Variants in HMGN5 observed in about 807,000 individuals in gnomAD.
The protein encoded by HMGN5 is high mobility group nucleosome-binding domain-containing protein 5.
HMGN5 carries 4 observed loss-of-function variants against 9.5 expected under a neutral mutation model. The ratio of observed to expected loss-of-function variants is 0.42; its 90% CI spans 0.21 to 0.96. The LOEUF (loss-of-function observed/expected upper bound fraction) is 0.96. Ranked by LOEUF, HMGN5 falls within the 40% of genes least tolerant of loss-of-function variation. The pLI is 0.30. For missense variants in HMGN5, 192 were observed against 187.5 expected, an observed-to-expected ratio of 1.02 and a Z score of -0.14; for synonymous variants, 55 against 57.1, an observed-to-expected ratio of 0.96 and a Z score of 0.16.
intron 1 of HMGN5, among the ~76,000 whole-genome samples, chrX:81,176,070 C>A: frequency 9.0e-6 from 1 of 111,523 alleles, no homozygotes; most frequent in Middle Eastern, 4.7e-3. Flanking sequence ...TGGGAGGAAG[C>A]TTCCAGAGGA....
rs764678184 is a variant in HMGN5 at position 81,200,176 on chromosome X, A to G, written c.-124+1561T>C. On this transcript the variant is annotated intron_variant, in intron 1 of 6. Coordinates refer to ENST00000358130, the MANE Select transcript of HMGN5 (RefSeq NM_030763.3). ...ATGCAAATCAAAACCACAATGAAAT[A>G]CCATCTCATGCTAGTTAGAATGGCA... Among the ~76,000 whole-genome samples the G allele has an allele frequency of 4.4e-5, 5 of 112,465 alleles. No homozygotes were observed. The South Asian group carries it at 1.5e-3, about 33-fold the overall frequency.
rs1452242537 is a variant in HMGN5, at chrX:81,194,201, G to A, written c.-124+7536C>T. 2.7e-5 allele frequency among the ~76,000 whole-genome samples: 3 copies of A among 111,484 alleles called. No individual in the cohort carries two copies. The East Asian group carries it at 8.4e-4, about 31-fold the overall frequency. On this transcript the variant is annotated intron_variant, in intron 1 of 6. Transcript: ENST00000358130. The stretch of plus-strand genomic sequence containing the variant: ...TGGAATGTAGATCTAAATGTAAAAA[G>A]CACCACAATAAAGCTTTTATAAATA...
chrX:81,131,611 C>A (rs1270184612), intron 1 of HMGN5, among the ~76,000 whole-genome samples: 4 of 111,634 alleles, frequency 3.6e-5, no homozygotes, highest in Non-Finnish European at 5.7e-5. Flanking sequence ...TATGTACCAT[C>A]ATGTGTATGT....
chrX:81,122,797 A>G (rs763871776), intron 1 of HMGN5, among the ~76,000 whole-genome samples: 1 of 111,235 alleles, frequency 9.0e-6, no homozygotes, highest in African/African-American at 3.3e-5. Flanking sequence ...GGTGCCTTTC[A>G]GTGTCAGTTT....
At chrX:81,198,622 A>T (rs1393047183) in intron 1 of HMGN5, among the ~76,000 whole-genome samples, 1 of 112,155 alleles carries the variant, frequency 8.9e-6, no homozygotes, top group Non-Finnish European at 1.9e-5. Flanking sequence ...ACTAATGACA[A>T]AAACCACACG....
At chrX:81,160,423 A>G (rs892955737) in intron 1 of HMGN5, among the ~76,000 whole-genome samples, 1 of 110,427 alleles carries the variant, frequency 9.1e-6, no homozygotes, top group Admixed American at 9.7e-5. Flanking sequence ...TTGCATAGGT[A>G]TACATGTGCA....
At chrX:81,134,581 C>T (rs1041364892) in intron 1 of HMGN5, among the ~76,000 whole-genome samples, 1 of 111,219 alleles carries the variant, frequency 9.0e-6, no homozygotes, top group Non-Finnish European at 1.9e-5. Flanking sequence ...ACTTCACATT[C>T]TCCCCAACTC....
At chrX:81,139,184 A>G (rs1295370637) in intron 1 of HMGN5, among the ~76,000 whole-genome samples, 3 of 112,750 alleles carry the variant, frequency 2.7e-5, no homozygotes, top group Non-Finnish European at 5.6e-5. Flanking sequence ...CAAAAAGAAG[A>G]ACAAAGCAGG....
rs187594694 is a variant in HMGN5 at position 81,196,698 on chromosome X, C to T, written c.-124+5039G>A. Reference sequence around the variant, plus strand: ...CTGGGATTACAGGCGGCCACCACCACGCCTGGCTAATTTTTGTATTTTTAG... The same window carrying T: ...CTGGGATTACAGGCGGCCACCACCATGCCTGGCTAATTTTTGTATTTTTAG... On this transcript the variant is annotated intron_variant, in intron 1 of 6. Transcript: ENST00000358130. 8.6e-3 allele frequency among the ~76,000 whole-genome samples: 949 copies of T among 110,008 alleles called. 9 individuals are homozygous for T. The highest frequency in any genetic ancestry group is 0.029 in the African/African-American group (873 of 30,201).
At chrX:81,190,829 A>T (rs1011740107) in intron 1 of HMGN5, among the ~76,000 whole-genome samples, 9 of 111,459 alleles carry the variant, frequency 8.1e-5, no homozygotes, top group African/African-American at 2.9e-4. Context: ...TTGTTAAAAG[A>T]ACTACCTTAT....
intron 1 of HMGN5, among the ~76,000 whole-genome samples, chrX:81,181,018 G>C (rs2075461286): frequency 9.1e-6 from 1 of 110,386 alleles, no homozygotes; most frequent in South Asian, 3.9e-4. Context: ...TTGGACACAG[G>C]GCGGGGAACA....
chrX:81,181,870 A>C (rs1420880945), intron 1 of HMGN5, among the ~76,000 whole-genome samples: 2 of 112,305 alleles, frequency 1.8e-5, no homozygotes, highest in Non-Finnish European at 3.8e-5. Flanking sequence ...GGTTGCTTCC[A>C]AATCTTGGCT....
chrX:81,154,520 C>G (rs752876732), intron 1 of HMGN5, among the ~76,000 whole-genome samples: 160 of 111,130 alleles, frequency 1.4e-3, no homozygotes, highest in African/African-American at 5.1e-3. Context: ...CAAATGGGAT[C>G]ACATCAAGTT....
intron 1 of HMGN5, among the ~76,000 whole-genome samples, chrX:81,149,543 C>G (rs181842014): frequency 9.0e-6 from 1 of 111,497 alleles, no homozygotes; most frequent in Admixed American, 9.6e-5. Context: ...ACGGGTGCAG[C>G]AAAGCACCAT....
intron 1 of HMGN5, among the ~76,000 whole-genome samples, chrX:81,124,785 T>C (rs1191400851): frequency 9.0e-6 from 1 of 111,580 alleles, no homozygotes; most frequent in South Asian, 3.7e-4. Flanking sequence ...GTTTCTCTTT[T>C]TAATTTATTA....
At chrX:81,144,632 C>G (rs1357532733) in intron 1 of HMGN5, among the ~76,000 whole-genome samples, 2 of 111,508 alleles carry the variant, frequency 1.8e-5, no homozygotes, top group Non-Finnish European at 3.8e-5. Flanking sequence ...GAGAACAAAA[C>G]TGGATGGAGA....
intron 1 of HMGN5, among the ~76,000 whole-genome samples, chrX:81,200,197 TGG>T (rs1422561367): frequency 8.9e-6 from 1 of 111,800 alleles, no homozygotes; most frequent in Non-Finnish European, 1.9e-5. Context: ...CTAGTTAGAA[TGG>T]CAATCATACA....
At chrX:81,158,112 GA>G (rs1184260835) in intron 1 of HMGN5, among the ~76,000 whole-genome samples, 3 of 111,032 alleles carry the variant, frequency 2.7e-5, no homozygotes, top group Admixed American at 9.6e-5. Flanking sequence ...TTATATACCT[GA>G]AAAAAAATGT....
rs186519733 is a variant in HMGN5, at chrX:81,150,027, T to G, written c.-123-28355A>C. Among the ~76,000 whole-genome samples, 14 of 111,716 alleles carry G rather than the reference T, an allele frequency of 1.3e-4. No individual in the cohort carries two copies. The East Asian group carries it at 3.7e-3, about 29-fold the overall frequency. ...AGACAGAAAATCAAAAAAGAAACAT[T>G]AGACTTAATCTGCACTATATAGACC... On this transcript the variant is annotated intron_variant, in intron 1 of 6. Transcript: ENST00000358130.
Sources: allele counts gnomAD v4.1 joint callset (sites outside exome capture counted in the v4.1 genomes callset), GRCh38; gene constraint gnomAD v4.1.1; transcripts MANE v1.5; gene names NCBI Gene and HGNC (gene_info 2026-07-23, HGNC 2026-07-21).